Variants in NTRK1 observed in about 807,000 individuals in gnomAD.
NTRK1 encodes the protein high affinity nerve growth factor receptor.
A neutral mutation model predicts 86.8 loss-of-function variants in NTRK1; 62 were observed. That is an observed-to-expected ratio of 0.71 (90% CI 0.58 to 0.88). The LOEUF is 0.88. Among genes scored for constraint, NTRK1 ranks in the 40% least tolerant of loss-of-function variants. The probability of loss-of-function intolerance (pLI) is 0.00; values close to 1 mark genes in which losing one functional copy is unlikely to be tolerated. For synonymous variants in NTRK1, 469 were observed against 456.6 expected (o/e 1.03, Z -0.35); for missense variants, 967 against 1,078.4 (o/e 0.90, Z 1.45).
Position 156,855,181 on chromosome 1 carries a change from T to TATCTATCTATCTATC in NTRK1, c.51-9172_51-9158dup, listed in dbSNP as rs750728217. ...CCTTCTCTGACCATCCAATTTTATC[T>TATCTATCTATCTATC]ATCTATCTATCTATCTATCTATCTA... On this transcript the variant is annotated intron_variant, in intron 2 of 16. Transcript: ENST00000392302. Among the ~76,000 whole-genome samples the TATCTATCTATCTATC allele has an allele frequency of 6.7e-3, 1,012 of 149,982 alleles. 5 individuals carry two copies. The highest frequency in any genetic ancestry group is 0.01 in the Non-Finnish European group (700 of 67,824).
Position 156,863,241 on chromosome 1 carries a change from C to T in NTRK1, c.213-1113C>T, listed in dbSNP as rs950672708. On this transcript the variant is annotated intron_variant, in intron 1 of 16. Coordinates refer to ENST00000524377, the MANE Select transcript of NTRK1 (RefSeq NM_002529.4). The stretch of plus-strand genomic sequence containing the variant: ...TTCTTGTCTATCTCGCTTTCTGTAG[C>T]TCTCTGTCCTTATCTGTCTGTCTCC... 8.0e-4 allele frequency among the ~76,000 whole-genome samples: 122 copies of T among 152,148 alleles called. 1 individual carries two copies. Among genetic ancestry groups the T allele is most frequent in the Admixed American group, 7.9e-3 (121 of 15,274 alleles).
At chr1:156,853,942 G>C (rs769299119) in intron 2 of NTRK1, 3 of 1,613,726 alleles carry the variant, frequency 1.9e-6, no homozygotes, top group Non-Finnish European at 2.5e-6. Flanking sequence ...TGGTGGAGAG[G>C]TGGCAGAGCT....
At chr1:156,865,947 G>C (rs558505057) in intron 3 of NTRK1, among the ~76,000 whole-genome samples, 1 of 152,242 alleles carries the variant, frequency 6.6e-6, no homozygotes, top group Non-Finnish European at 1.5e-5. Flanking sequence ...AGTTAAAAAC[G>C]TGCTCAATGA....
chr1:156,851,327 T>C (rs751415412), intron 2 of NTRK1: 2 of 1,614,206 alleles, frequency 1.2e-6, no homozygotes, highest in South Asian at 1.1e-5. Context: ...AGTTTGAGGT[T>C]CTTGAAAAAG....
At chr1:156,869,287 C>A (rs925033308) in intron 6 of NTRK1, among the ~76,000 whole-genome samples, 2 of 152,112 alleles carry the variant, frequency 1.3e-5, no homozygotes, top group African/African-American at 2.4e-5. Flanking sequence ...ACTACGTTGG[C>A]CACGCTGGTC....
At chr1:156,846,613 T>C in intron 2 of NTRK1, 1 of 1,614,176 alleles carries the variant, frequency 6.2e-7, no homozygotes, top group Non-Finnish European at 8.5e-7. Flanking sequence ...GCACAAACAC[T>C]GCGTACTGTG....
chr1:156,865,649 G>A (rs546935936), intron 3 of NTRK1, among the ~76,000 whole-genome samples: 1 of 152,298 alleles, frequency 6.6e-6, no homozygotes, highest in South Asian at 2.1e-4. Context: ...GAGAATAGTG[G>A]CACTATTACC....
chr1:156,855,205 T>TATCTATCTATCTATCTATCTA (rs1372578527), intron 2 of NTRK1, among the ~76,000 whole-genome samples: 1 of 151,950 alleles, frequency 6.6e-6, no homozygotes, highest in African/African-American at 2.4e-5. Context: ...TCTATCTATC[T>TATCTATCTATCTATCTATCTA]ATCTATTTAT....
intron 2 of NTRK1, chr1:156,848,931 A>G (rs1655105346): frequency 1.3e-6 from 2 of 1,577,498 alleles, no homozygotes; most frequent in African/African-American, 2.7e-5. Context: ...GACTCCTTGT[A>G]GTACACGATG....
At chr1:156,863,116 G>A (rs541968685) in intron 1 of NTRK1, among the ~76,000 whole-genome samples, 9 of 152,014 alleles carry the variant, frequency 5.9e-5, no homozygotes, top group Non-Finnish European at 1.0e-4. Context: ...CAGGGCAGCC[G>A]AGTTCTCAGG....
intron 1 of NTRK1, among the ~76,000 whole-genome samples, chr1:156,828,110 G>C (rs1199279631): frequency 6.6e-6 from 1 of 152,056 alleles, no homozygotes; most frequent in Non-Finnish European, 1.5e-5. Flanking sequence ...ACCACATCCA[G>C]CCTATAATAT....
At chr1:156,839,763 G>T (rs1023326585) in intron 1 of NTRK1, among the ~76,000 whole-genome samples, 8 of 152,180 alleles carry the variant, frequency 5.3e-5, no homozygotes, top group Non-Finnish European at 1.2e-4. Flanking sequence ...AACAAGGGGT[G>T]AAATTAAGAT....
intron 1 of NTRK1, chr1:156,841,590 G>T: frequency 6.2e-7 from 1 of 1,610,878 alleles, no homozygotes; most frequent in Non-Finnish European, 8.5e-7. Context: ...CATTCCAAGG[G>T]ATGGGGGTGT....
intron 2 of NTRK1, among the ~76,000 whole-genome samples, chr1:156,849,727 C>T (rs1263886160): frequency 6.6e-6 from 1 of 152,074 alleles, no homozygotes; most frequent in Non-Finnish European, 1.5e-5. Flanking sequence ...CCATCCTTCC[C>T]TCGACTCTCT....
chr1:156,845,013 A>G, intron 2 of NTRK1: 1 of 1,547,842 alleles, frequency 6.5e-7, no homozygotes, highest in South Asian at 1.2e-5. Context: ...CAAACCCCAA[A>G]CCTTTGCACA....
chr1:156,818,490 C>G (rs1001665611), intron 1 of NTRK1, among the ~76,000 whole-genome samples: 4 of 152,260 alleles, frequency 2.6e-5, no homozygotes, highest in Non-Finnish European at 4.4e-5. Context: ...AACCTTCCCC[C>G]CAAGTCCCCA....
chr1:156,828,158 T>G (rs1452600281), intron 1 of NTRK1, among the ~76,000 whole-genome samples: 1 of 152,192 alleles, frequency 6.6e-6, no homozygotes, highest in Non-Finnish European at 1.5e-5. Flanking sequence ...TTTGCAATTG[T>G]AATATTATTA....
chr1:156,864,461 C>A, intron 2 of NTRK1, 33 bp downstream of exon 2: 1 of 1,602,130 alleles, frequency 6.2e-7, no homozygotes, highest in East Asian at 2.2e-5. Flanking sequence ...GTGTGGAGCT[C>A]AGCATGGGCC....
At chr1:156,855,918 C>CGTGTGTGT (rs57540966), upstream of NTRK1, among the ~76,000 whole-genome samples, 3 of 149,374 alleles carry the variant, frequency 2.0e-5, no homozygotes, top group African/African-American at 7.4e-5. Context: ...GACTAATGTG[C>CGTGTGTGT]GTGTGTGTGT....
Sources: gnomAD v4.1 joint callset for allele counts (sites outside exome capture counted in the v4.1 genomes callset) on GRCh38, gnomAD v4.1.1 for gene constraint, MANE v1.5 for transcripts, NCBI Gene and HGNC (gene_info 2026-07-23, HGNC 2026-07-21) for gene names.